The following EPB41L1 variants were observed in gnomAD, a reference collection of about 807,000 sequenced individuals.
The protein encoded by EPB41L1 is erythrocyte membrane protein band 4.1 like 1.
A neutral mutation model predicts 97.8 loss-of-function variants in EPB41L1; 29 were observed. That is an observed-to-expected ratio of 0.30 (90% CI 0.22 to 0.40). The LOEUF (loss-of-function observed/expected upper bound fraction) is 0.40. EPB41L1 is among the 10% of genes least tolerant of loss of function. EPB41L1 has a pLI of 1.00. For missense variants in EPB41L1, 812 were observed against 1,162.3 expected, an observed-to-expected ratio of 0.70 and a Z score of 4.38; for synonymous variants, 383 against 459.2, an observed-to-expected ratio of 0.83 and a Z score of 2.12.
rs1463288451 is a variant in EPB41L1 at position 36,230,992 on chromosome 20, G to T, written c.*1652G>T. 1 of 152,212 alleles carries T rather than the reference G, an allele frequency of 6.6e-6. No individual in the cohort carries two copies. The highest frequency in any genetic ancestry group is 2.4e-5 in the African/African-American group (1 of 41,420). The allele number at this position is 152,212 out of a possible 1,614,324, so 9.4% of individuals were successfully genotyped here. A position where few individuals can be genotyped will look rare whatever the true frequency, so the allele number is the denominator to read the frequency against. ...AGCCATGGTAAGGAGGCTTCATGGG[G>T]CAGACCCTGAAAGATCAAAACTGCA... On this transcript the variant is annotated 3_prime_UTR_variant, in exon 22 of 22. Coordinates refer to ENST00000338074, the MANE Select transcript of EPB41L1 (RefSeq NM_012156.2).
At chr20:36,222,556 C>A (rs1361637964) in intron 21 of EPB41L1, among the ~76,000 whole-genome samples, 162 bp downstream of exon 21, 1 of 152,082 alleles carries the variant, frequency 6.6e-6, no homozygotes, top group Non-Finnish European at 1.5e-5. Flanking sequence ...GAGAGAGGCA[C>A]CTCCCCGAGA....
chr20:36,115,568 C>G (rs2058557762), intron 2 of EPB41L1, among the ~76,000 whole-genome samples: 1 of 152,214 alleles, frequency 6.6e-6, no homozygotes, highest in Admixed American at 6.5e-5. Flanking sequence ...AGGCTCCATG[C>G]TGAACTCTTT....
chr20:36,168,393 A>G (rs959541194), intron 1 of EPB41L1, among the ~76,000 whole-genome samples: 2 of 152,096 alleles, frequency 1.3e-5, no homozygotes, highest in African/African-American at 4.8e-5. Context: ...TCTGTTAGAA[A>G]CATCTCTTTT....
At position 36,222,291 on chromosome 20, in the gene EPB41L1, C is replaced by T; in HGVS notation, c.2534C>T (p.Ala845Val). The change falls in exon 21 of 22, where the codon GCC becomes GTC. Residue 845 changes from alanine to valine, a missense_variant. Ala to Val is a moderately conservative substitution (Grantham distance 64, BLOSUM62 0). Around this residue, in one of 3 missense-constraint regions of EPB41L1, gnomAD observed 498 missense variants for 622.7 expected, o/e 0.80. Coordinates refer to ENST00000338074, the MANE Select transcript of EPB41L1 (RefSeq NM_012156.2). The stretch of plus-strand genomic sequence containing the variant: ...CTTTACCACCAGGCCCTGGCTTTGG[C>T]CATCAAGGAGGCCAAACTGCAGCAT... ...DVDQDQALALAIKEAKLQHPD... is the reference protein window; with the variant it reads ...DVDQDQALALVIKEAKLQHPD... The T allele has an allele frequency of 6.2e-7, 1 of 1,613,988 alleles. No individual in the cohort carries two copies. Among genetic ancestry groups the T allele is most frequent in the Non-Finnish European group, 8.5e-7 (1 of 1,179,902 alleles).
At chr20:36,179,278 A>G (rs2061378067) in intron 5 of EPB41L1, among the ~76,000 whole-genome samples, 2 of 152,156 alleles carry the variant, frequency 1.3e-5, no homozygotes, top group South Asian at 2.1e-4. Context: ...AGGGACCTGC[A>G]GAGCCATCTA....
At chr20:36,124,456 T>C (rs545445658) in intron 2 of EPB41L1, among the ~76,000 whole-genome samples, 3 of 152,278 alleles carry the variant, frequency 2.0e-5, no homozygotes, top group Middle Eastern at 3.4e-3. Context: ...ATTCTATTGG[T>C]CATTTCCGTC....
chr20:36,206,617 T>A lies in EPB41L1; in HGVS notation c.1669-2871T>A. Reference sequence around the variant, plus strand: ...AGACCTGAGGGTTTCTGCTGCTGCTTCCAGCAGGAGCAAGGACGAAGCCCA... The same window carrying A: ...AGACCTGAGGGTTTCTGCTGCTGCTACCAGCAGGAGCAAGGACGAAGCCCA... On this transcript the variant is annotated intron_variant, in intron 14 of 21. Coordinates refer to ENST00000338074, the MANE Select transcript of EPB41L1 (RefSeq NM_012156.2). The surrounding 1 kb of genome is among the most constrained non-coding windows in gnomAD (Gnocchi z 5.5). 1.6e-6 allele frequency: 2 copies of A among 1,289,686 alleles called. No individual in the cohort carries two copies. Among genetic ancestry groups the A allele is most frequent in the Non-Finnish European group, 2.0e-6 (2 of 988,844 alleles). 79.9% of individuals were successfully genotyped at this position (1,289,686 alleles called of 1,614,324 possible). A position where few individuals can be genotyped will look rare whatever the true frequency, so the allele number is the denominator to read the frequency against.
intron 1 of EPB41L1, among the ~76,000 whole-genome samples, chr20:36,111,861 G>T (rs912821946): frequency 6.6e-6 from 1 of 151,996 alleles, no homozygotes; most frequent in Non-Finnish European, 1.5e-5. Context: ...TTTCACAGAT[G>T]GGGACACTGA....
At chr20:36,172,019 C>G (rs1038263768) in intron 1 of EPB41L1, among the ~76,000 whole-genome samples, 6 of 152,182 alleles carry the variant, frequency 3.9e-5, no homozygotes, top group African/African-American at 1.4e-4. Flanking sequence ...CCCTCCGCCA[C>G]CCTACCTTTC....
chr20:36,214,108 A>T (rs1278228485), intron 16 of EPB41L1, among the ~76,000 whole-genome samples: 1 of 152,058 alleles, frequency 6.6e-6, no homozygotes, highest in East Asian at 1.9e-4. Flanking sequence ...TAGGTCAAAG[A>T]TTACACGCAT....
chr20:36,132,410 C>T (rs912905163), intron 2 of EPB41L1, among the ~76,000 whole-genome samples: 2 of 152,088 alleles, frequency 1.3e-5, no homozygotes, highest in African/African-American at 4.8e-5. Flanking sequence ...TTTTGACTTA[C>T]AAGAACCCCT....
At chr20:36,170,275 C>A (rs2060933447) in intron 1 of EPB41L1, among the ~76,000 whole-genome samples, 1 of 152,068 alleles carries the variant, frequency 6.6e-6, no homozygotes, top group South Asian at 2.1e-4. Flanking sequence ...AACTTAAACT[C>A]ATTCAAGGAA....
Position 36,154,765 on chromosome 20 carries a change from G to T in EPB41L1, c.-146G>T, listed in dbSNP as rs1478977633. On this transcript the variant is annotated 5_prime_UTR_variant, in exon 1 of 22. Transcript: ENST00000338074. This position sits in a 1 kb window ranked among gnomAD's most constrained non-coding sequence, Gnocchi z 5.5. ...AGTCGGCATCCATCAGCGGGCGGGG[G>T]TGTCGCCGAACAGGCTGCTCCGCAG... 3 of 986,676 alleles carry T rather than the reference G, an allele frequency of 3.0e-6. No homozygotes were observed. Among genetic ancestry groups the T allele is most frequent in the Non-Finnish European group, 3.6e-6 (3 of 830,912 alleles). The allele number at this position is 986,676 out of a possible 1,614,324, so 61.1% of individuals were successfully genotyped here. A position where few individuals can be genotyped will look rare whatever the true frequency, so the allele number is the denominator to read the frequency against.
In EPB41L1 at chr20:36,093,565, G is replaced by T. The variant is rs2057730304; in HGVS notation, c.-65+1953G>T. Among the ~76,000 whole-genome samples the T allele has an allele frequency of 2.0e-5, 3 of 152,084 alleles. No homozygotes were observed. The highest frequency in any genetic ancestry group is 4.4e-5 in the Non-Finnish European group (3 of 67,986). On this transcript the variant is annotated intron_variant, in intron 1 of 19. Coordinates refer to the EPB41L1 transcript ENST00000202028. The surrounding 1 kb of genome is among the most constrained non-coding windows in gnomAD (Gnocchi z 5.4). ...CTTCCCCGTCGGGCAGAGACTCCCT[G>T]CTGGCAGGTGGGCGGCCACACCCCG...
Position 36,232,625 on chromosome 20 carries a change from T to C in EPB41L1, c.*3285T>C. ...AACATCACTCGAAATAATTTTTTTT[T>C]TCAAAAGCACCTTAACAACCAATTG... On this transcript the variant is annotated 3_prime_UTR_variant, in exon 22 of 22. Coordinates refer to ENST00000338074, the MANE Select transcript of EPB41L1 (RefSeq NM_012156.2). The C allele has an allele frequency of 2.5e-6, 1 of 399,064 alleles. No homozygotes were observed. The highest frequency in any genetic ancestry group is 4.4e-6 in the Non-Finnish European group (1 of 226,084). 24.7% of individuals were successfully genotyped at this position (399,064 alleles called of 1,614,324 possible).
chr20:36,120,868 T>A (rs1239265245), intron 2 of EPB41L1, among the ~76,000 whole-genome samples: 2 of 151,800 alleles, frequency 1.3e-5, no homozygotes, highest in East Asian at 3.9e-4. Context: ...ACCGCCAAGG[T>A]AATGGTTTTA....
At chr20:36,133,876 A>T (rs1454038619) in intron 2 of EPB41L1, among the ~76,000 whole-genome samples, 1 of 151,726 alleles carries the variant, frequency 6.6e-6, no homozygotes, top group African/African-American at 2.4e-5. Context: ...AAAAAAAAGT[A>T]ACAATAATAT....
intron 2 of EPB41L1, among the ~76,000 whole-genome samples, chr20:36,120,421 C>T (rs1011604750): frequency 1.3e-5 from 2 of 152,176 alleles, no homozygotes; most frequent in African/African-American, 4.8e-5. Flanking sequence ...GGGACTGGTC[C>T]GGTGAACTTG....
chr20:36,153,694 G>A (rs1294639616), upstream of EPB41L1, among the ~76,000 whole-genome samples: 2 of 152,124 alleles, frequency 1.3e-5, no homozygotes, highest in Non-Finnish European at 2.9e-5. Context: ...TTGCAAATGA[G>A]GCCCAGAGCA....
Sources: allele counts gnomAD v4.1 joint callset (sites outside exome capture counted in the v4.1 genomes callset), GRCh38; gene constraint gnomAD v4.1.1; regional missense constraint gnomAD v4.1.1; non-coding constraint Gnocchi (gnomAD v3.1); transcripts MANE v1.5; gene names NCBI Gene and HGNC (gene_info 2026-07-23, HGNC 2026-07-21).